Variants in C2CD5 observed in about 807,000 individuals in gnomAD.
C2CD5 encodes the protein C2 domain-containing protein 5.
A neutral mutation model predicts 130.3 loss-of-function variants in C2CD5; 109 were observed. That is an observed-to-expected ratio of 0.84 (90% CI 0.72 to 0.98). C2CD5 has a LOEUF of 0.98. Among genes scored for constraint, C2CD5 ranks in the 50% least tolerant of loss-of-function variants. The pLI, the probability that C2CD5 is intolerant of heterozygous loss-of-function variation, is 0.00. For synonymous variants in C2CD5, 454 were observed against 429.2 expected, an observed-to-expected ratio of 1.06 and a Z score of -0.71; for missense variants, 996 against 1,261.8, an observed-to-expected ratio of 0.79 and a Z score of 3.19.
chr12:22,449,960 G>A, intron 26 of C2CD5, 69 bp from the exon 27 acceptor site: 2 of 1,359,012 alleles, frequency 1.5e-6, no homozygotes, highest in South Asian at 1.4e-5. Flanking sequence ...TTACATAAGG[G>A]GCAGTGCTGT....
chr12:22,515,189 AAGATGATCAG>A, intron 8 of C2CD5: 13 of 917,224 alleles, frequency 1.4e-5, no homozygotes, highest in Non-Finnish European at 1.7e-5. Flanking sequence ...GCAGATTCAG[AAGATGATCAG>A]AAAATGCAGG....
At chr12:22,454,433 T>A (rs556024375) in intron 25 of C2CD5, among the ~76,000 whole-genome samples, 1 of 152,292 alleles carries the variant, frequency 6.6e-6, no homozygotes, top group Admixed American at 6.5e-5. Flanking sequence ...ACGATAAAAC[T>A]TACCTGTTAT....
intron 23 of C2CD5, among the ~76,000 whole-genome samples, 173 bp downstream of exon 23, chr12:22,459,319 A>C (rs1475423140): frequency 6.6e-6 from 1 of 152,002 alleles, no homozygotes; most frequent in Admixed American, 6.6e-5. Flanking sequence ...TTTAAATATT[A>C]GTTTAATTGA....
At chr12:22,541,405 A>G (rs1952366457) in intron 2 of C2CD5, among the ~76,000 whole-genome samples, 1 of 152,186 alleles carries the variant, frequency 6.6e-6, no homozygotes, top group Admixed American at 6.5e-5. Flanking sequence ...TGCTCATCTT[A>G]ACAAGGGCTT....
chr12:22,514,486 A>C (rs1399235044), intron 8 of C2CD5, among the ~76,000 whole-genome samples: 1 of 152,174 alleles, frequency 6.6e-6, no homozygotes, highest in Non-Finnish European at 1.5e-5. Flanking sequence ...TTGTAGTGAT[A>C]ATTGAAATAT....
At chr12:22,491,717 T>C (rs1946381370) in intron 11 of C2CD5, among the ~76,000 whole-genome samples, 1 of 151,560 alleles carries the variant, frequency 6.6e-6, no homozygotes, top group Non-Finnish European at 1.5e-5. Flanking sequence ...ACTAAAAATA[T>C]GAAAATTAGC....
chr12:22,514,386 T>C (rs1214085695), intron 8 of C2CD5, among the ~76,000 whole-genome samples: 1 of 152,176 alleles, frequency 6.6e-6, no homozygotes, highest in Non-Finnish European at 1.5e-5. Flanking sequence ...ATCTGAACAT[T>C]ATTTTTAGAG....
chr12:22,527,362 A>C (rs1463367257), intron 4 of C2CD5, among the ~76,000 whole-genome samples: 2 of 138,528 alleles, frequency 1.4e-5, no homozygotes, highest in Non-Finnish European at 3.0e-5. Context: ...CTAGAGTTTC[A>C]CTCTTGTTGC....
chr12:22,469,686 G>C (rs1200143426), intron 22 of C2CD5, 23 bp downstream of exon 22: 1 of 1,461,230 alleles, frequency 6.8e-7, no homozygotes. Flanking sequence ...ATTTGTGTTT[G>C]CTTTTTCCCT....
intron 15 of C2CD5, among the ~76,000 whole-genome samples, chr12:22,475,446 C>CTTAA (rs1943706055): frequency 6.6e-6 from 1 of 152,030 alleles, no homozygotes; most frequent in Non-Finnish European, 1.5e-5. Flanking sequence ...CAATAATGAT[C>CTTAA]TTTTTAAGGT....
chr12:22,464,911 T>C (rs1416100270), intron 22 of C2CD5, among the ~76,000 whole-genome samples: 1 of 152,178 alleles, frequency 6.6e-6, no homozygotes, highest in Non-Finnish European at 1.5e-5. Flanking sequence ...ACACTTCTAA[T>C]TGCTATTTTA....
chr12:22,516,364 CTATT>C (rs1949722221), intron 8 of C2CD5, among the ~76,000 whole-genome samples: 2 of 151,302 alleles, frequency 1.3e-5, no homozygotes, highest in Non-Finnish European at 3.0e-5. Context: ...TATAAATAAA[CTATT>C]GAAGTAATAA....
chr12:22,484,665 A>AG, intron 13 of C2CD5, 32 bp downstream of exon 13: 1 of 1,301,532 alleles, frequency 7.7e-7, no homozygotes, highest in African/African-American at 1.5e-5. Flanking sequence ...ATACTTTTTC[A>AG]GGGACACCGA....
chr12:22,455,813 T>G (rs1939732206), intron 25 of C2CD5, among the ~76,000 whole-genome samples: 1 of 151,956 alleles, frequency 6.6e-6, no homozygotes, highest in Non-Finnish European at 1.5e-5. Context: ...GCCTCCTGAG[T>G]AGCTAGGATT....
At chr12:22,514,646 C>T (rs1949530553) in intron 8 of C2CD5, among the ~76,000 whole-genome samples, 3 of 152,024 alleles carry the variant, frequency 2.0e-5, no homozygotes, top group African/African-American at 7.2e-5. Context: ...GACACAGGTC[C>T]AATGTGAATG....
intron 10 of C2CD5, among the ~76,000 whole-genome samples, chr12:22,495,456 T>C (rs1946893243): frequency 6.6e-6 from 1 of 151,928 alleles, no homozygotes; most frequent in Non-Finnish European, 1.5e-5. Context: ...CCACATAGAA[T>C]ACAAAGTTCA....
chr12:22,512,676 C>T (rs1255177848), intron 9 of C2CD5: 3 of 1,493,128 alleles, frequency 2.0e-6, no homozygotes, highest in African/African-American at 2.8e-5. Context: ...TGAGGCGATC[C>T]TCCCTTAGCA....
Position 22,524,616 on chromosome 12 carries a change from G to C in C2CD5, c.457C>G (p.Pro153Ala), listed in dbSNP as rs756589330. The change falls in exon 6 of 27, where the codon CCA becomes GCA. Residue 153 changes from proline (P) to alanine (A), a missense_variant. By Grantham distance (27) the Pro-to-Ala change is conservative. Coordinates refer to ENST00000446597, the MANE Select transcript of C2CD5 (RefSeq NM_001286176.2). The stretch of plus-strand genomic sequence containing the variant: ...ATTATCACAGCTCTATAGCATTTTG[G>C]AATAGACGTTGCTGTTAAAACAAAT... ...GVKFFCTTSIPKCYRAVIIHG... is the reference protein window; with the variant it reads ...GVKFFCTTSIAKCYRAVIIHG... 6.2e-7 allele frequency: 1 copy of C among 1,610,136 alleles called. No homozygotes were observed. Among genetic ancestry groups the C allele is most frequent in the Non-Finnish European group, 8.5e-7 (1 of 1,177,974 alleles).
chr12:22,524,734 C>G, intron 5 of C2CD5, 107 bp from the exon 6 acceptor site: 1 of 667,722 alleles, frequency 1.5e-6, no homozygotes, highest in Non-Finnish European at 2.5e-6. Flanking sequence ...ACAAGAACAT[C>G]TTTTACTGTA....
Sources: gnomAD v4.1 joint callset for allele counts (sites outside exome capture counted in the v4.1 genomes callset) on GRCh38, gnomAD v4.1.1 for gene constraint, MANE v1.5 for transcripts, NCBI Gene and HGNC (gene_info 2026-07-23, HGNC 2026-07-21) for gene names.